The following ACOXL variants were observed in gnomAD, a reference collection of about 807,000 sequenced individuals.
The protein encoded by ACOXL is acyl-coenzyme A oxidase-like protein.
In ACOXL, 70 loss-of-function variants were observed where a neutral mutation model predicts 71.9. The ratio of observed to expected loss-of-function variants is 0.97; its 90% confidence interval spans 0.80 to 1.19. The LOEUF (loss-of-function observed/expected upper bound fraction) is 1.19, where lower values mean the gene tolerates loss of function less well. Among genes scored for constraint, ACOXL ranks in the 50% most tolerant of loss-of-function variants. The pLI, the probability that ACOXL is intolerant of heterozygous loss-of-function variation, is 0.00. For missense variants in ACOXL, 703 were observed against 736.3 expected, an observed-to-expected ratio of 0.95 and a Z score of 0.52; for synonymous variants, 253 against 281.6, an observed-to-expected ratio of 0.90 and a Z score of 1.02.
chr2:110,996,469 T>C (rs768312107), intron 14 of ACOXL, among the ~76,000 whole-genome samples: 2 of 152,110 alleles, frequency 1.3e-5, no homozygotes, highest in Non-Finnish European at 2.9e-5. Flanking sequence ...TTGATAGAAA[T>C]CTAGAGGAAA....
intron 14 of ACOXL, among the ~76,000 whole-genome samples, chr2:111,027,446 C>T (rs975339399): frequency 2.6e-5 from 4 of 151,880 alleles, no homozygotes; most frequent in African/African-American, 7.3e-5. Context: ...CTCAGCCTCC[C>T]GGGTAGCTGG....
intron 12 of ACOXL, among the ~76,000 whole-genome samples, chr2:110,939,165 G>A (rs1218871494): frequency 6.6e-6 from 1 of 152,202 alleles, no homozygotes; most frequent in African/African-American, 2.4e-5. Context: ...TAACTTTAGT[G>A]TTTGTTGCTA....
chr2:111,016,762 T>C (rs916917579), intron 14 of ACOXL: 2 of 152,928 alleles, frequency 1.3e-5, no homozygotes, highest in Non-Finnish European at 2.9e-5. Flanking sequence ...GTGGGGGTGG[T>C]CTGTACCAGT....
intron 15 of ACOXL, among the ~76,000 whole-genome samples, chr2:111,034,980 T>G (rs550665128): frequency 1.3e-5 from 2 of 151,432 alleles, no homozygotes; most frequent in Non-Finnish European, 2.9e-5. Context: ...TGTAGTGGCA[T>G]GATCTCTGCT....
chr2:110,818,428 T>C (rs1169775464), intron 9 of ACOXL, among the ~76,000 whole-genome samples: 9 of 143,222 alleles, frequency 6.3e-5, no homozygotes, highest in African/African-American at 2.3e-4. Flanking sequence ...TATATATGTG[T>C]GTGTGTGTGT....
chr2:110,942,183 C>A (rs943042605), intron 12 of ACOXL, among the ~76,000 whole-genome samples: 2 of 152,086 alleles, frequency 1.3e-5, no homozygotes, highest in Non-Finnish European at 2.9e-5. Context: ...AGATTATTCA[C>A]ATAGAAAACA....
chr2:110,756,002 A>G (rs1375221889), intron 1 of ACOXL, among the ~76,000 whole-genome samples: 1 of 150,756 alleles, frequency 6.6e-6, no homozygotes, highest in Non-Finnish European at 1.5e-5. Flanking sequence ...GCATTTTGGG[A>G]ATGGGAATGA....
At chr2:110,755,199 G>C (rs988532894) in intron 1 of ACOXL, among the ~76,000 whole-genome samples, 2 of 152,072 alleles carry the variant, frequency 1.3e-5, no homozygotes, top group Non-Finnish European at 2.9e-5. Flanking sequence ...TCCAACAGCT[G>C]TCCCCAGATG....
At chr2:110,938,487 A>G (rs997799336) in intron 12 of ACOXL, among the ~76,000 whole-genome samples, 1 of 152,220 alleles carries the variant, frequency 6.6e-6, no homozygotes, top group African/African-American at 2.4e-5. Flanking sequence ...CACGTCAGCT[A>G]TTCTCACTTA....
At chr2:110,829,419 G>C (rs550294314) in intron 9 of ACOXL, among the ~76,000 whole-genome samples, 1 of 152,266 alleles carries the variant, frequency 6.6e-6, no homozygotes, top group South Asian at 2.1e-4. Flanking sequence ...TACTCCTCGG[G>C]AAGTTGGTTC....
At chr2:110,911,662 C>A (rs568085600) in intron 11 of ACOXL, among the ~76,000 whole-genome samples, 1 of 152,012 alleles carries the variant, frequency 6.6e-6, no homozygotes, top group Non-Finnish European at 1.5e-5. Flanking sequence ...GAATCAAGTA[C>A]CTTTTCATGA....
intron 16 of ACOXL, among the ~76,000 whole-genome samples, chr2:111,092,563 G>T (rs572515408): frequency 4.4e-4 from 67 of 152,264 alleles, no homozygotes; most frequent in Non-Finnish European, 8.4e-4. Context: ...AACCAGGTAG[G>T]TTACATATGA....
chr2:110,847,884 A>C (rs1692114572), intron 10 of ACOXL, among the ~76,000 whole-genome samples: 1 of 152,200 alleles, frequency 6.6e-6, no homozygotes, highest in South Asian at 2.1e-4. Flanking sequence ...ACTCATTCTG[A>C]GACTGTGCTC....
At chr2:110,810,766 A>G (rs977049811) in intron 9 of ACOXL, among the ~76,000 whole-genome samples, 2 of 152,246 alleles carry the variant, frequency 1.3e-5, no homozygotes, top group East Asian at 1.9e-4. Flanking sequence ...TGGGGAGTGT[A>G]TTAGTCCATT....
intron 11 of ACOXL, among the ~76,000 whole-genome samples, chr2:110,912,015 A>G (rs924078791): frequency 7.9e-5 from 12 of 152,094 alleles, no homozygotes; most frequent in Non-Finnish European, 1.5e-4. Context: ...AGACTGCAGG[A>G]TAGATCAACA....
chr2:110,922,934 A>T (rs1274686505), intron 11 of ACOXL, among the ~76,000 whole-genome samples: 1 of 152,124 alleles, frequency 6.6e-6, no homozygotes, highest in Non-Finnish European at 1.5e-5. Flanking sequence ...AATTTTCTTG[A>T]CTTGGGCCTC....
chr2:110,772,767 C>A (rs1682126431), intron 2 of ACOXL, among the ~76,000 whole-genome samples: 1 of 152,186 alleles, frequency 6.6e-6, no homozygotes, highest in Admixed American at 6.5e-5. Context: ...GTCCCCAATA[C>A]CCTTTCAGGT....
rs868288575 is a variant in ACOXL, at chr2:110,921,399, C to G, written c.906-12090C>G. 1.3e-4 allele frequency among the ~76,000 whole-genome samples: 16 copies of G among 122,916 alleles called. 1 individual carries two copies. The East Asian group carries it at 2.5e-3, about 19-fold the overall frequency. The allele number at this position is 122,916 out of a possible 152,430, so 80.6% of individuals were successfully genotyped here. On this transcript the variant is annotated intron_variant, in intron 11 of 17. Transcript: ENST00000439055. ...GTCTCTATATATCCACCCCCCCCCC[C>G]CTTTTTTTTTTGAGGCAGAGTCTTG...
intron 1 of ACOXL, among the ~76,000 whole-genome samples, chr2:110,767,835 C>T (rs1370985584): frequency 6.6e-6 from 1 of 152,068 alleles, no homozygotes; most frequent in Non-Finnish European, 1.5e-5. Flanking sequence ...CCTGTAATCC[C>T]AGCACTTTGG....
Sources: allele counts gnomAD v4.1 joint callset (sites outside exome capture counted in the v4.1 genomes callset), GRCh38; gene constraint gnomAD v4.1.1; transcripts MANE v1.5; gene names NCBI Gene and HGNC (gene_info 2026-07-23, HGNC 2026-07-21).